CAMSAP1: variants seen among roughly 807,000 people sequenced by gnomAD.
CAMSAP1 encodes calmodulin regulated spectrin associated protein 1, also known as calmodulin-regulated spectrin-associated protein 1.
In CAMSAP1, 58 loss-of-function variants were observed where a neutral mutation model predicts 143.5. The ratio of observed to expected loss-of-function variants is 0.40; its 90% CI spans 0.33 to 0.50. The LOEUF is 0.50. CAMSAP1 is among the 20% of genes least tolerant of loss of function. The probability of loss-of-function intolerance (pLI) is 0.45; values close to 1 mark genes in which losing one functional copy is unlikely to be tolerated. For synonymous variants in CAMSAP1, 945 were observed against 859.3 expected (o/e 1.10, Z -1.74); for missense variants, 1,969 against 2,115.7 (o/e 0.93, Z 1.36).
chr9:135,873,092 T>TC (rs941726093), intron 3 of CAMSAP1, among the ~76,000 whole-genome samples: 2 of 152,116 alleles, frequency 1.3e-5, no homozygotes, highest in African/African-American at 4.8e-5. Context: ...GGACCCTAAG[T>TC]CCCAATAAAC....
At chr9:135,869,813 G>A (rs1031116294) in intron 3 of CAMSAP1, among the ~76,000 whole-genome samples, 3 of 152,136 alleles carry the variant, frequency 2.0e-5, no homozygotes, top group African/African-American at 7.2e-5. Context: ...TAAACAAAAC[G>A]AGGCGTAAGC....
chr9:135,882,825 G>T lies in CAMSAP1; in HGVS notation c.414C>A (p.Pro138=). Residue 138 remains proline, a synonymous_variant, in exon 2 of 17, where the codon CCC becomes CCA. Transcript: ENST00000389532. This position sits in a 1 kb window ranked among gnomAD's most constrained non-coding sequence, Gnocchi z 4.9. ...ACCGCAGACCACTCACCATTTTTAT[G>T]GGTGCGCGACTGAGGTCGGACTCTG... ...PVTESDLSRA[P]IKMSAHMAMV... 1 of 1,549,988 alleles carries T rather than the reference G, an allele frequency of 6.5e-7. No homozygotes were observed. The highest frequency in any genetic ancestry group is 1.2e-5 in the South Asian group (1 of 84,040).
intron 5 of CAMSAP1, among the ~76,000 whole-genome samples, chr9:135,855,288 G>A (rs190935689): frequency 3.6e-4 from 54 of 152,064 alleles, no homozygotes; most frequent in African/African-American, 1.2e-3. Context: ...CACTGCGCCC[G>A]GTCTTAGCTC....
chr9:135,823,505 GT>G (rs1189063177), intron 10 of CAMSAP1, among the ~76,000 whole-genome samples: 9 of 152,310 alleles, frequency 5.9e-5, no homozygotes, highest in Admixed American at 5.9e-4. Context: ...AAGAGCTTTT[GT>G]TTCTATTTAT....
chr9:135,816,116 G>A, intron 14 of CAMSAP1, 111 bp from the exon 15 acceptor site: 1 of 915,292 alleles, frequency 1.1e-6, no homozygotes, highest in Non-Finnish European at 1.7e-6. Context: ...AGCAGGGGAG[G>A]AGGCTTTCGG....
chr9:135,850,578 TGA>T (rs1836740004), intron 5 of CAMSAP1, 117 bp from the exon 6 acceptor site: 2 of 802,288 alleles, frequency 2.5e-6, no homozygotes, highest in Non-Finnish European at 3.8e-6. Context: ...ATAATGACAT[TGA>T]GAGATGTAGG....
In CAMSAP1 at chr9:135,811,277, G is replaced by A. The variant is rs1458164912; in HGVS notation, c.*32C>T. ...CCACAAGGGCATCATTTACGAGTCT[G>A]GGTCACCCTTTGGACGCCAGCTGCA... On this transcript the variant is annotated 3_prime_UTR_variant, in exon 17 of 17. Transcript: ENST00000389532. This position sits in a 1 kb window ranked among gnomAD's most constrained non-coding sequence, Gnocchi z 4.9. 6.2e-7 allele frequency: 1 copy of A among 1,600,144 alleles called. No individual in the cohort carries two copies.
At chr9:135,819,435 A>G (rs911131118) in intron 11 of CAMSAP1, among the ~76,000 whole-genome samples, 1 of 152,182 alleles carries the variant, frequency 6.6e-6, no homozygotes, top group African/African-American at 2.4e-5. Context: ...AGAATGGCTC[A>G]TTCCTGTAAT....
At chr9:135,846,682 C>CAAAAAAAAAAAAAAAAAAAAATAAAA (rs1836565824) in intron 7 of CAMSAP1, among the ~76,000 whole-genome samples, 1 of 53,686 alleles carries the variant, frequency 1.9e-5, no homozygotes, top group Non-Finnish European at 4.3e-5. Flanking sequence ...ACAAATTTAC[C>CAAAAAAAAAAAAAAAAAAAAATAAAA]AAAAAAAAAA....
In CAMSAP1 at chr9:135,818,386, C is replaced by T. The variant is rs1835319436; in HGVS notation, c.4168+22G>A. 9 of 1,543,490 alleles carry T rather than the reference C, an allele frequency of 5.8e-6. No individual in the cohort carries two copies. Among genetic ancestry groups the T allele is most frequent in the Non-Finnish European group, 7.8e-6 (9 of 1,148,068 alleles). ...CGCCCGCGGAAGGAAGCGCTGCCCGCGTGAGGGCCGGGGCTGCTTACGGGT... is the reference window on the plus strand; with the variant it reads ...CGCCCGCGGAAGGAAGCGCTGCCCGTGTGAGGGCCGGGGCTGCTTACGGGT... On this transcript the variant is annotated intron_variant, in intron 13 of 16. Transcript: ENST00000389532. This position sits in a 1 kb window ranked among gnomAD's most constrained non-coding sequence, Gnocchi z 7.7.
At chr9:135,886,491 A>G (rs1838127686) in intron 1 of CAMSAP1, among the ~76,000 whole-genome samples, 1 of 152,238 alleles carries the variant, frequency 6.6e-6, no homozygotes, top group African/African-American at 2.4e-5. Flanking sequence ...AGAGAATTTC[A>G]GCAAGTGACA....
At position 135,907,301 on chromosome 9, in the gene CAMSAP1, C is replaced by CT. The variant is rs1838816127; in HGVS notation, c.-143dup. ...AGGGGCGCCCGAGCGCGGCCCCCGC[C>CT]TCACCTCACAGCCGCCGCCGTCGCC... is the stretch of plus-strand genomic sequence containing the variant. On this transcript the variant is annotated 5_prime_UTR_variant, in exon 1 of 17. Transcript: ENST00000389532. 1 of 373,004 alleles carries CT rather than the reference C, an allele frequency of 2.7e-6. No homozygotes were observed. Among genetic ancestry groups the CT allele is most frequent in the Non-Finnish European group, 3.7e-6 (1 of 272,354 alleles). 23.1% of individuals were successfully genotyped at this position (373,004 alleles called of 1,614,324 possible).
intron 5 of CAMSAP1, 94 bp downstream of exon 5, chr9:135,862,370 TCTC>T (rs1451767490): frequency 6.7e-6 from 9 of 1,345,302 alleles, no homozygotes; most frequent in Non-Finnish European, 8.9e-6. Flanking sequence ...CCATTTTCTT[TCTC>T]TTTTTTTTTT....
chr9:135,864,816 AATGGCTGCAACACCC>A (rs1225674055), intron 4 of CAMSAP1, among the ~76,000 whole-genome samples: 1 of 152,186 alleles, frequency 6.6e-6, no homozygotes, highest in Non-Finnish European at 1.5e-5. Context: ...AGGCAGCAGG[AATGGCTGCAACACCC>A]GAGGAGGAGA....
intron 5 of CAMSAP1, 146 bp downstream of exon 5, chr9:135,862,321 T>C (rs1280404832): frequency 1.0e-6 from 1 of 957,650 alleles, no homozygotes; most frequent in Non-Finnish European, 1.5e-6. Context: ...CCCCAATTTT[T>C]TCATCTATAG....
intron 7 of CAMSAP1, among the ~76,000 whole-genome samples, chr9:135,843,157 G>A (rs543394440): frequency 1.1e-3 from 163 of 151,960 alleles, no homozygotes; most frequent in Non-Finnish European, 2.0e-3. Context: ...GAGAAACCCC[G>A]TCTCTACTAA....
At chr9:135,823,285 G>A (rs368712415) in intron 10 of CAMSAP1, 25 bp from the exon 11 acceptor site, 405 of 1,529,096 alleles carry the variant, frequency 2.6e-4, no homozygotes, top group Non-Finnish European at 3.4e-4. Flanking sequence ...AGGCCCACTG[G>A]GTGCGCTGCG....
intron 7 of CAMSAP1, chr9:135,849,895 C>A: frequency 5.5e-6 from 2 of 360,904 alleles, no homozygotes; most frequent in East Asian, 4.4e-5. Flanking sequence ...GAGGTGAGAA[C>A]AGCCATCCTG....
intron 14 of CAMSAP1, among the ~76,000 whole-genome samples, chr9:135,817,136 G>A (rs192856559): frequency 1.9e-3 from 294 of 152,316 alleles, no homozygotes; most frequent in Middle Eastern, 3.4e-3. Flanking sequence ...GCTCTGGATC[G>A]AAGGAGACTA....
Sources: allele counts gnomAD v4.1 joint callset (sites outside exome capture counted in the v4.1 genomes callset), GRCh38; gene constraint gnomAD v4.1.1; non-coding constraint Gnocchi (gnomAD v3.1); transcripts MANE v1.5; gene names NCBI Gene and HGNC (gene_info 2026-07-23, HGNC 2026-07-21).